PML: variants seen among roughly 807,000 people sequenced by gnomAD.
PML encodes protein PML.
PML carries 28 observed loss-of-function variants against 65.2 expected under a neutral mutation model. That is an observed-to-expected ratio of 0.43 (90% CI 0.32 to 0.59). The LOEUF (loss-of-function observed/expected upper bound fraction) is 0.59, where lower values mean the gene tolerates loss of function less well. Among genes scored for constraint, PML ranks in the 20% least tolerant of loss-of-function variants. The pLI, the probability that PML is intolerant of heterozygous loss-of-function variation, is 0.08. For missense variants in PML, 1,021 were observed against 1,203.4 expected, an observed-to-expected ratio of 0.85 and a Z score of 2.24; for synonymous variants, 500 against 508.8, an observed-to-expected ratio of 0.98 and a Z score of 0.23.
At position 74,037,568 on chromosome 15, in the gene PML, C is replaced by T. The variant is rs1595920006; in HGVS notation, c.1710+3038C>T. On this transcript the variant is annotated intron_variant, in intron 7 of 8. Coordinates refer to ENST00000268058, the MANE Select transcript of PML (RefSeq NM_033238.3). This position sits in a 1 kb window ranked among gnomAD's most constrained non-coding sequence, Gnocchi z 4.2. Reference sequence around the variant, plus strand: ...GCTCTCCTTGTTTACACTTCAGCCCCCTCCTTGCCCCTTCTTCACCCCACC... The same window carrying T: ...GCTCTCCTTGTTTACACTTCAGCCCTCTCCTTGCCCCTTCTTCACCCCACC... 1 of 985,420 alleles carries T rather than the reference C, an allele frequency of 1.0e-6. No homozygotes were observed. The highest frequency in any genetic ancestry group is 1.2e-6 in the Non-Finnish European group (1 of 829,928). 61.0% of individuals were successfully genotyped at this position (985,420 alleles called of 1,614,324 possible).
At position 74,047,732 on chromosome 15, in the gene PML, A is replaced by T; in HGVS notation, c.*2724A>T. On this transcript the variant is annotated 3_prime_UTR_variant, in exon 9 of 9. Coordinates refer to ENST00000268058, the MANE Select transcript of PML (RefSeq NM_033238.3). ...TGAAGATAGCTTTTTGGTATATTTTAAAAGTGCACAAATTTAAGATCTTAC... is the reference window on the plus strand; with the variant it reads ...TGAAGATAGCTTTTTGGTATATTTTTAAAGTGCACAAATTTAAGATCTTAC... The T allele has an allele frequency of 5.3e-6, 1 of 189,274 alleles. No homozygotes were observed. The highest frequency in any genetic ancestry group is 1.1e-5 in the Non-Finnish European group (1 of 90,012). The allele number at this position is 189,274 out of a possible 1,614,324, so 11.7% of individuals were successfully genotyped here. A position where few individuals can be genotyped will look rare whatever the true frequency, so the allele number is the denominator to read the frequency against.
At chr15:74,026,467 G>A (rs2071082825) in intron 4 of PML, 1 of 152,010 alleles carries the variant, frequency 6.6e-6, no homozygotes, top group Non-Finnish European at 1.5e-5. Flanking sequence ...ACTGTGCCCA[G>A]CCTAAAAGCT....
intron 3 of PML, among the ~76,000 whole-genome samples, chr15:74,024,227 C>G (rs1321859208): frequency 6.6e-6 from 1 of 152,154 alleles, no homozygotes; most frequent in Non-Finnish European, 1.5e-5. Flanking sequence ...GCTATGGAAT[C>G]TGAAGGCACC....
At chr15:74,015,279 G>A (rs2070518844) in intron 2 of PML, among the ~76,000 whole-genome samples, 1 of 152,118 alleles carries the variant, frequency 6.6e-6, no homozygotes, top group South Asian at 2.1e-4. Context: ...TTTTTCAATG[G>A]TGAGATAGCA....
rs149871195 is a variant in PML at position 74,023,370 on chromosome 15, G to A, written c.1145G>A (p.Arg382His). 87 of 1,600,378 alleles carry A rather than the reference G, an allele frequency of 5.4e-5. No homozygotes were observed. Among genetic ancestry groups the A allele is most frequent in the African/African-American group, 3.2e-4 (24 of 75,052 alleles). Residue 382 changes from arginine to histidine, a missense_variant, in exon 3 of 9, where the codon CGC (arginine) becomes CAC (histidine). Coordinates refer to ENST00000268058, the MANE Select transcript of PML (RefSeq NM_033238.3). The part of the protein sequence containing the change: ...RTDGFDEFKV[R>H]LQDLSSCITQ... ...GATGGCTTCGACGAGTTCAAGGTGC[G>A]CCTGCAGGACCTCAGCTCTTGCATC...
At chr15:74,004,172 C>T (rs1178371733) in intron 2 of PML, among the ~76,000 whole-genome samples, 2 of 152,096 alleles carry the variant, frequency 1.3e-5, no homozygotes, top group African/African-American at 4.8e-5. Flanking sequence ...TGCAGTGGTG[C>T]AATCAGAGTT....
chr15:74,047,686 G>A lies in PML; in HGVS notation c.*2678G>A, dbSNP rs2071784051. 1 of 200,254 alleles carries A rather than the reference G, an allele frequency of 5.0e-6. No individual in the cohort carries two copies. Among genetic ancestry groups the A allele is most frequent in the Non-Finnish European group, 1.0e-5 (1 of 97,252 alleles). The allele number at this position is 200,254 out of a possible 1,614,324, so 12.4% of individuals were successfully genotyped here. A position where few individuals can be genotyped will look rare whatever the true frequency, so the allele number is the denominator to read the frequency against. ...TTTTGACTTCAAGGGATCTTTGTGG[G>A]AACCAATGAGAAAATGTGTGTGAAG... On this transcript the variant is annotated 3_prime_UTR_variant, in exon 9 of 9. Coordinates refer to ENST00000268058, the MANE Select transcript of PML (RefSeq NM_033238.3).
intron 2 of PML, among the ~76,000 whole-genome samples, chr15:74,010,180 A>C: frequency 1.0e-5 from 1 of 97,656 alleles, no homozygotes; most frequent in Admixed American, 1.2e-4. Context: ...CACCATGCCC[A>C]GCTAATTTTT....
intron 2 of PML, among the ~76,000 whole-genome samples, chr15:74,005,432 T>C (rs1392489287): frequency 6.9e-6 from 1 of 144,922 alleles, no homozygotes; most frequent in Non-Finnish European, 1.5e-5. Context: ...TCTTTTAAAT[T>C]TTTTCCCCAT....
At chr15:74,021,805 A>G (rs2070848220) in intron 2 of PML, among the ~76,000 whole-genome samples, 1 of 152,246 alleles carries the variant, frequency 6.6e-6, no homozygotes, top group African/African-American at 2.4e-5. Flanking sequence ...AATGCCAGCA[A>G]AACGACAGTG....
chr15:73,997,500 A>G (rs2069564104), intron 1 of PML, among the ~76,000 whole-genome samples: 1 of 152,186 alleles, frequency 6.6e-6, no homozygotes, highest in Non-Finnish European at 1.5e-5. Context: ...GTTGATGGAT[A>G]CTTGGATTGT....
At position 74,044,821 on chromosome 15, in the gene PML, A is replaced by G. The variant is rs758294457; in HGVS notation, c.2462A>G (p.Lys821Arg). The change falls in exon 9 of 9, where the codon AAG becomes AGG. Residue 821 changes from lysine (K) to arginine (R), a missense_variant. Lys to Arg is a conservative substitution (Grantham distance 26). Transcript: ENST00000268058. ...CGCCGTGACCGGCAGGGGGGCCTGAAGAAGTACAGCCGCTATCTAAGCCTG... is the reference window on the plus strand; with the variant it reads ...CGCCGTGACCGGCAGGGGGGCCTGAGGAAGTACAGCCGCTATCTAAGCCTG... ...AHRRDRQGGL[K>R]KYSRYLSLQT... 42 of 1,613,100 alleles carry G rather than the reference A, an allele frequency of 2.6e-5. No individual in the cohort carries two copies. Among genetic ancestry groups the G allele is most frequent in the Non-Finnish European group, 3.6e-5 (42 of 1,180,040 alleles).
At position 74,045,446 on chromosome 15, in the gene PML, A is replaced by G. The variant is rs2071761715; in HGVS notation, c.*438A>G. On this transcript the variant is annotated 3_prime_UTR_variant, in exon 9 of 9. Transcript: ENST00000268058. ...AACAGTCTGAGGTGATGCTGGCTACAGCCCTGGCAGCCCATGGCAACTCAA... is the reference window on the plus strand; with the variant it reads ...AACAGTCTGAGGTGATGCTGGCTACGGCCCTGGCAGCCCATGGCAACTCAA... The G allele has an allele frequency of 4.0e-6, 1 of 247,896 alleles. No individual in the cohort carries two copies. Among genetic ancestry groups the G allele is most frequent in the African/African-American group, 2.2e-5 (1 of 45,682 alleles). 15.4% of individuals were successfully genotyped at this position (247,896 alleles called of 1,614,324 possible).
intron 6 of PML, chr15:74,034,218 C>G (rs986208771): frequency 5.5e-6 from 3 of 549,610 alleles, no homozygotes; most frequent in Admixed American, 2.8e-5. Context: ...GGGGCAAATT[C>G]TGAATTCTGG....
Position 73,994,836 on chromosome 15 carries a change from T to C in PML, c.24T>C (p.Ser8=). 1.3e-6 allele frequency: 2 copies of C among 1,557,936 alleles called. No individual in the cohort carries two copies. The highest frequency in any genetic ancestry group is 1.7e-6 in the Non-Finnish European group (2 of 1,150,750). MEPAPAR[S]PRPQQDPARP... ...CCATGGAGCCTGCACCCGCCCGATC[T>C]CCGAGGCCCCAGCAGGACCCCGCCC... The change falls in exon 1 of 9, where the codon TCT becomes TCC. Residue 8 remains serine (S), a synonymous_variant. Coordinates refer to ENST00000268058, the MANE Select transcript of PML (RefSeq NM_033238.3).
Position 74,044,944 on chromosome 15 carries a change from CAGA to C in PML, c.2588_2590del (p.Glu863del), listed in dbSNP as rs771133555. 4.3e-6 allele frequency: 7 copies of C among 1,612,428 alleles called. No individual in the cohort carries two copies. The Admixed American group carries it at 5.0e-5, about 12-fold the overall frequency. On this transcript the variant is annotated inframe_deletion, in exon 9 of 9. Coordinates refer to ENST00000268058, the MANE Select transcript of PML (RefSeq NM_033238.3). ...TTGGAGGGTCCGGCGCTGGCACGGG[CAGA>C]AGGAGTCTCCACCCCACTTGCTGGC...
At chr15:74,029,101 C>G (rs540011904) in intron 4 of PML, among the ~76,000 whole-genome samples, 6 of 151,620 alleles carry the variant, frequency 4.0e-5, no homozygotes, top group African/African-American at 1.5e-4. Context: ...TTTTTTATTG[C>G]ACCATTTGAC....
chr15:74,036,935 A>G (rs1286669266), intron 7 of PML: 1 of 984,876 alleles, frequency 1.0e-6, no homozygotes, highest in African/African-American at 1.8e-5. Context: ...TCTCAGTCCT[A>G]CCTTCGCCTC....
intron 2 of PML, among the ~76,000 whole-genome samples, chr15:74,010,762 G>A (rs755422499): frequency 6.6e-6 from 1 of 152,140 alleles, no homozygotes; most frequent in Non-Finnish European, 1.5e-5. Flanking sequence ...GTGCAGACTT[G>A]TACTCTATGG....
Sources: allele counts gnomAD v4.1 joint callset (sites outside exome capture counted in the v4.1 genomes callset), GRCh38; gene constraint gnomAD v4.1.1; non-coding constraint Gnocchi (gnomAD v3.1); transcripts MANE v1.5; gene names NCBI Gene and HGNC (gene_info 2026-07-23, HGNC 2026-07-21).